CACNA1I: variants seen among roughly 807,000 people sequenced by gnomAD.
CACNA1I encodes calcium voltage-gated channel subunit alpha1 I, also known as voltage-dependent T-type calcium channel subunit alpha-1I.
A neutral mutation model predicts 201.6 loss-of-function variants in CACNA1I; 74 were observed. That is an observed-to-expected ratio of 0.37 (90% CI 0.30 to 0.45). The LOEUF (loss-of-function observed/expected upper bound fraction) is 0.45, where lower values mean the gene tolerates loss of function less well. Among genes scored for constraint, CACNA1I ranks in the 20% least tolerant of loss-of-function variants. The pLI is 1.00. For missense variants in CACNA1I, 2,346 were observed against 3,138.1 expected, an observed-to-expected ratio of 0.75 and a Z score of 6.03; for synonymous variants, 1,431 against 1,345.2, an observed-to-expected ratio of 1.06 and a Z score of -1.40.
rs550643178 is a variant in CACNA1I at position 39,603,396 on chromosome 22, C to A, written c.482+2743C>A. On this transcript the variant is annotated intron_variant, in intron 3 of 36. Transcript: ENST00000402142. ...TGGGCTTTTCAGCAATGTCCTTTCC[C>A]CTATTTACTGCCCCTATGGAATAAT... Among the ~76,000 whole-genome samples, 17 of 152,290 alleles carry A rather than the reference C, an allele frequency of 1.1e-4. No individual in the cohort carries two copies. In the South Asian group the frequency reaches 3.5e-3, roughly 32 times the overall value.
At chr22:39,662,665 CAG>C in intron 17 of CACNA1I, 109 bp from the exon 18 acceptor site, 2 of 804,768 alleles carry the variant, frequency 2.5e-6, no homozygotes, top group South Asian at 3.2e-5. Flanking sequence ...CCCCGGGGGG[CAG>C]AGAGTTCGGA....
chr22:39,594,285 A>T (rs1309975643), intron 1 of CACNA1I, among the ~76,000 whole-genome samples: 1 of 151,946 alleles, frequency 6.6e-6, no homozygotes, highest in African/African-American at 2.4e-5. Context: ...GACGCCACTA[A>T]GTGCACTTTG....
rs1935849335 is a variant in CACNA1I at position 39,685,902 on chromosome 22, G to A, written c.6169G>A (p.Ala2057Thr). The A allele has an allele frequency of 1.9e-5, 26 of 1,401,674 alleles. 1 individual carries two copies. Among genetic ancestry groups the A allele is most frequent in the Non-Finnish European group, 2.4e-5 (26 of 1,084,986 alleles). 86.8% of individuals were successfully genotyped at this position (1,401,674 alleles called of 1,614,324 possible). A position where few individuals can be genotyped will look rare whatever the true frequency, so the allele number is the denominator to read the frequency against. ...GCCCGCGCCTGCTCCAGGACCCCGG[G>A]CCGGCCTGTCCCCCGCCGCTCGCCG... ...GPPAPAPGPR[A>T]GLSPAARRRL... The change falls in exon 37 of 37, where the codon GCC becomes ACC. Residue 2057 changes from alanine (A) to threonine (T), a missense_variant. Physicochemically the swap from Ala to Thr is moderately conservative, Grantham distance 58 (BLOSUM62 0). Coordinates refer to ENST00000402142, the MANE Select transcript of CACNA1I (RefSeq NM_021096.4). The surrounding 1 kb of genome is among the most constrained non-coding windows in gnomAD (Gnocchi z 5.0).
intron 5 of CACNA1I, among the ~76,000 whole-genome samples, chr22:39,638,856 T>C (rs1934286666): frequency 6.6e-6 from 1 of 152,218 alleles, no homozygotes; most frequent in Non-Finnish European, 1.5e-5. Context: ...AGGCAATAGA[T>C]TCTCATAAGG....
intron 18 of CACNA1I, 143 bp from the exon 19 acceptor site, chr22:39,663,575 A>AT: frequency 7.5e-6 from 7 of 930,598 alleles, no homozygotes; most frequent in Admixed American, 5.4e-5. Context: ...GCAGGTGTAG[A>AT]GTCGGCACCT....
At chr22:39,644,523 T>A (rs185924332) in intron 7 of CACNA1I, among the ~76,000 whole-genome samples, 111 of 151,468 alleles carry the variant, frequency 7.3e-4, no homozygotes, top group African/African-American at 2.5e-3. Context: ...AAGGGCTGAG[T>A]TTTTTCAGAC....
chr22:39,659,814 C>T lies in CACNA1I; in HGVS notation c.2566C>T (p.Leu856=), dbSNP rs756080037. The T allele has an allele frequency of 6.2e-7, 1 of 1,613,950 alleles. No homozygotes were observed. The change falls in exon 14 of 37, where the codon CTG becomes TTG. Residue 856 remains leucine, a synonymous_variant. Transcript: ENST00000402142. The surrounding 1 kb of genome is among the most constrained non-coding windows in gnomAD (Gnocchi z 4.3). ...CTTCGGCAACTATGTGCTCTTCAACCTGCTGGTGGCCATCCTGGTGGAGGG... is the reference window on the plus strand; with the variant it reads ...CTTCGGCAACTATGTGCTCTTCAACTTGCTGGTGGCCATCCTGGTGGAGGG... The part of the protein sequence containing the change: ...MTFGNYVLFN[L]LVAILVEGFQ...
At position 39,677,428 on chromosome 22, in the gene CACNA1I, C is replaced by T; in HGVS notation, c.4933+9C>T. The T allele has an allele frequency of 2.6e-6, 4 of 1,549,000 alleles. No individual in the cohort carries two copies. The highest frequency in any genetic ancestry group is 1.2e-5 in the South Asian group (1 of 83,202). On this transcript the variant is annotated intron_variant, in intron 30 of 36. Transcript: ENST00000402142. The surrounding 1 kb of genome is among the most constrained non-coding windows in gnomAD (Gnocchi z 4.8). Reference sequence around the variant, plus strand: ...GCTCTTTGGGAAGCTGGGTGAGTGACTCCCAGAGCAGGCCCGTGGTGGGGG... The same window carrying T: ...GCTCTTTGGGAAGCTGGGTGAGTGATTCCCAGAGCAGGCCCGTGGTGGGGG...
chr22:39,590,197 T>C (rs918727428), intron 1 of CACNA1I, among the ~76,000 whole-genome samples: 2 of 152,208 alleles, frequency 1.3e-5, no homozygotes, highest in Admixed American at 1.3e-4. Flanking sequence ...GTGGCTTCCC[T>C]GGTGACCCTG....
At position 39,686,517 on chromosome 22, in the gene CACNA1I, G is replaced by C. The variant is rs145501785; in HGVS notation, c.*112G>C. 17 of 843,204 alleles carry C rather than the reference G, an allele frequency of 2.0e-5. No individual in the cohort carries two copies. The highest frequency in any genetic ancestry group is 2.5e-5 in the Non-Finnish European group (16 of 645,540). The allele number at this position is 843,204 out of a possible 1,614,324, so 52.2% of individuals were successfully genotyped here. On this transcript the variant is annotated 3_prime_UTR_variant, in exon 37 of 37. Coordinates refer to ENST00000402142, the MANE Select transcript of CACNA1I (RefSeq NM_021096.4). The stretch of plus-strand genomic sequence containing the variant: ...CCACACCTGGGATCGCGCAGGGCCC[G>C]CAGGGCACAGGCGCCCGACAGCCGG...
chr22:39,684,211 C>A lies in CACNA1I; in HGVS notation c.5831-91C>A. 9.3e-7 allele frequency: 1 copy of A among 1,073,926 alleles called. No homozygotes were observed. The highest frequency in any genetic ancestry group is 1.4e-6 in the Non-Finnish European group (1 of 718,436). The allele number at this position is 1,073,926 out of a possible 1,614,324, so 66.5% of individuals were successfully genotyped here. A position where few individuals can be genotyped will look rare whatever the true frequency, so the allele number is the denominator to read the frequency against. On this transcript the variant is annotated intron_variant, in intron 35 of 36. Coordinates refer to ENST00000402142, the MANE Select transcript of CACNA1I (RefSeq NM_021096.4). This position sits in a 1 kb window ranked among gnomAD's most constrained non-coding sequence, Gnocchi z 4.6. ...TTATTAGGTGGCCCCTCACTGCTGG[C>A]CCAGTGAGATTGGTGCTCAATGCCA...
rs374640313 is a variant in CACNA1I, at chr22:39,594,137, G to A, written c.237-4014G>A. ...AGGCCTGGTGTGAATCTCTGTGCCA[G>A]TAATTCCTAGCTGTGAAACCCAGGA... is the stretch of plus-strand genomic sequence containing the variant. On this transcript the variant is annotated intron_variant, in intron 1 of 36. Coordinates refer to ENST00000402142, the MANE Select transcript of CACNA1I (RefSeq NM_021096.4). 2.6e-5 allele frequency among the ~76,000 whole-genome samples: 4 copies of A among 152,200 alleles called. No individual in the cohort carries two copies. In the East Asian group the frequency reaches 5.8e-4, roughly 22 times the overall value.
rs1394667899 is a variant in CACNA1I at position 39,585,450 on chromosome 22, C to T, written c.237-12701C>T. Among the ~76,000 whole-genome samples the T allele has an allele frequency of 1.1e-4, 14 of 123,816 alleles. No homozygotes were observed. In the East Asian group the frequency reaches 1.2e-3, roughly 11 times the overall value. The allele number at this position is 123,816 out of a possible 152,430, so 81.2% of individuals were successfully genotyped here. Reference sequence around the variant, plus strand: ...TGTCACCCAGGCTGGAGTGCAGTGGCGCGATCTTGGCTCACTGCAGCCTCT... The same window carrying T: ...TGTCACCCAGGCTGGAGTGCAGTGGTGCGATCTTGGCTCACTGCAGCCTCT... On this transcript the variant is annotated intron_variant, in intron 1 of 36. Coordinates refer to ENST00000402142, the MANE Select transcript of CACNA1I (RefSeq NM_021096.4).
Position 39,659,469 on chromosome 22 carries a change from C to A in CACNA1I, c.2367C>A (p.Ser789Arg). The stretch of plus-strand genomic sequence containing the variant: ...TGCATATTTTTGGCTGCAAGTTCAG[C>A]CTCCGCACGGACACTGGAGACACGG... ...LGMHIFGCKF[S>R]LRTDTGDTVP... is the part of the protein sequence containing the mutation. Residue 789 changes from serine to arginine, a missense_variant, in exon 13 of 37, where the codon AGC becomes AGA. Physicochemically the swap from Ser to Arg is moderately radical, Grantham distance 110 (BLOSUM62 -1). Transcript: ENST00000402142. This position sits in a 1 kb window ranked among gnomAD's most constrained non-coding sequence, Gnocchi z 4.3. 2 of 1,573,382 alleles carry A rather than the reference C, an allele frequency of 1.3e-6. No individual in the cohort carries two copies. The highest frequency in any genetic ancestry group is 1.7e-6 in the Non-Finnish European group (2 of 1,158,354).
In CACNA1I at chr22:39,649,802, G is replaced by A. The variant is rs747029788; in HGVS notation, c.1869G>A (p.Gly623=). 1 of 1,612,730 alleles carries A rather than the reference G, an allele frequency of 6.2e-7. No homozygotes were observed. The highest frequency in any genetic ancestry group is 2.2e-5 in the East Asian group (1 of 44,852). Residue 623 remains glycine, a synonymous_variant, in exon 10 of 37, where the codon GGG becomes GGA. Transcript: ENST00000402142. This position sits in a 1 kb window ranked among gnomAD's most constrained non-coding sequence, Gnocchi z 7.3. The part of the protein sequence containing the change: ...EQADGAVWLC[G]DVWRETRAKL... The stretch of plus-strand genomic sequence containing the variant: ...CGGATGGGGCGGTCTGGCTGTGCGG[G>A]GATGTGTGGCGGGAGACGCGAGCCA...
chr22:39,572,144 C>T (rs776797422), intron 1 of CACNA1I, among the ~76,000 whole-genome samples: 5 of 151,982 alleles, frequency 3.3e-5, no homozygotes, highest in African/African-American at 9.7e-5. Context: ...GGACTGTGCT[C>T]CAAGGGCAGG....
At chr22:39,655,476 G>A (rs1368826879) in intron 10 of CACNA1I, among the ~76,000 whole-genome samples, 2 of 152,176 alleles carry the variant, frequency 1.3e-5, no homozygotes, top group Non-Finnish European at 2.9e-5. Context: ...CGAGCTTTCT[G>A]CCATCTGTCT....
chr22:39,653,433 C>T (rs1269583557), intron 10 of CACNA1I, among the ~76,000 whole-genome samples: 2 of 152,186 alleles, frequency 1.3e-5, no homozygotes, highest in African/African-American at 2.4e-5. Flanking sequence ...CACTGCTCTG[C>T]GGGAAATGAT....
At position 39,681,888 on chromosome 22, in the gene CACNA1I, C is replaced by A. The variant is rs549440401; in HGVS notation, c.5665-608C>A. ...TGATTGGTAACAGTTGCTGCAGCTC[C>A]CCGCACCCCTACACTGCTCTCCTAC... On this transcript the variant is annotated intron_variant, in intron 34 of 36. Transcript: ENST00000402142. Among the ~76,000 whole-genome samples the A allele has an allele frequency of 8.5e-5, 13 of 152,244 alleles. No homozygotes were observed. In the East Asian group the frequency reaches 2.5e-3, roughly 29 times the overall value.
Sources: allele counts gnomAD v4.1 joint callset (sites outside exome capture counted in the v4.1 genomes callset), GRCh38; gene constraint gnomAD v4.1.1; non-coding constraint Gnocchi (gnomAD v3.1); transcripts MANE v1.5; gene names NCBI Gene and HGNC (gene_info 2026-07-23, HGNC 2026-07-21).